Variants in PRKAB2 observed in about 807,000 individuals in gnomAD.
PRKAB2 encodes the protein protein kinase AMP-activated non-catalytic subunit beta 2.
PRKAB2 carries 18 observed loss-of-function variants against 29.8 expected under a neutral mutation model. The observed-to-expected ratio is 0.60, with a 90% CI of 0.42 to 0.89. PRKAB2 has a LOEUF of 0.89. Ranked by LOEUF, PRKAB2 falls within the 40% of genes least tolerant of loss-of-function variation. The pLI is 0.00. For synonymous variants in PRKAB2, 136 were observed against 125.9 expected (o/e 1.08, Z -0.54); for missense variants, 270 against 344.3 (o/e 0.78, Z 1.71).
Position 147,158,023 on chromosome 1 carries a change from C to T in PRKAB2, c.*1542G>A, listed in dbSNP as rs1653759509. 1 of 152,144 alleles carries T rather than the reference C, an allele frequency of 6.6e-6. No homozygotes were observed. Among genetic ancestry groups the T allele is most frequent in the Admixed American group, 6.5e-5 (1 of 15,274 alleles). The allele number at this position is 152,144 out of a possible 1,614,324, so 9.4% of individuals were successfully genotyped here. A position where few individuals can be genotyped will look rare whatever the true frequency, so the allele number is the denominator to read the frequency against. ...CTAAACTGACCTGTAGGTGCCCTTT[C>T]AGTGTGGCTAGGGTCATCTGAGCAG... On this transcript the variant is annotated 3_prime_UTR_variant, in exon 8 of 8. Transcript: ENST00000254101.
intron 4 of PRKAB2, 72 bp from the exon 5 acceptor site, chr1:147,166,690 T>C: frequency 3.2e-6 from 5 of 1,584,550 alleles, no homozygotes; most frequent in Non-Finnish European, 4.3e-6. Flanking sequence ...CCTTCCTCTT[T>C]TACTAAAATT....
chr1:147,172,159 G>C lies in PRKAB2; in HGVS notation c.-15C>G. 2 of 1,540,518 alleles carry C rather than the reference G, an allele frequency of 1.3e-6. No homozygotes were observed. The highest frequency in any genetic ancestry group is 1.7e-6 in the Non-Finnish European group (2 of 1,142,892). ...GTGTTTCCCATGGCTGCAGCTCGTC[G>C]GGGACCACCTACCGCGGGGAACGAC... is the stretch of plus-strand genomic sequence containing the variant. On this transcript the variant is annotated 5_prime_UTR_variant, in exon 2 of 8. Coordinates refer to ENST00000254101, the MANE Select transcript of PRKAB2 (RefSeq NM_005399.5).
intron 6 of PRKAB2, 97 bp from the exon 7 acceptor site, chr1:147,161,877 A>T: frequency 1.1e-6 from 1 of 945,316 alleles, no homozygotes; most frequent in Non-Finnish European, 1.6e-6. Context: ...CTCTTTGAGA[A>T]ATTTAAACTA....
chr1:147,166,511 C>G lies in PRKAB2; in HGVS notation c.525G>C (p.Glu175Asp). The part of the protein sequence containing the change: ...ALKLDSMESS[E>D]TSCRDLSSSP... The stretch of plus-strand genomic sequence containing the variant: ...ATACAAAATTACCTCTACAAGATGT[C>G]TCAGAACTTTCCATAGAATCTAACT... Residue 175 changes from glutamate to aspartate, a missense_variant, in exon 5 of 8, where the codon GAG becomes GAC. Physicochemically the swap from Glu to Asp is conservative, Grantham distance 45 (BLOSUM62 2). This residue lies in a region of PRKAB2 where 228 missense variants were observed against 255.5 expected (regional missense o/e 0.89). Transcript: ENST00000254101. 2 of 1,613,752 alleles carry G rather than the reference C, an allele frequency of 1.2e-6. No individual in the cohort carries two copies. Among genetic ancestry groups the G allele is most frequent in the Admixed American group, 3.3e-5 (2 of 59,956 alleles).
At chr1:147,166,091 C>T (rs1654234836) in intron 5 of PRKAB2, among the ~76,000 whole-genome samples, 1 of 152,130 alleles carries the variant, frequency 6.6e-6, no homozygotes, top group Non-Finnish European at 1.5e-5. Context: ...AGGTCTCAAA[C>T]TGGCAGGATT....
Position 147,172,467 on chromosome 1 carries a change from T to A in PRKAB2, c.-62A>T. 1 of 422,856 alleles carries A rather than the reference T, an allele frequency of 2.4e-6. No individual in the cohort carries two copies. Among genetic ancestry groups the A allele is most frequent in the Non-Finnish European group, 4.2e-6 (1 of 236,654 alleles). 26.2% of individuals were successfully genotyped at this position (422,856 alleles called of 1,614,324 possible). A position where few individuals can be genotyped will look rare whatever the true frequency, so the allele number is the denominator to read the frequency against. On this transcript the variant is annotated 5_prime_UTR_variant, in exon 1 of 8. Transcript: ENST00000254101. ...CTCCCTCCTCCAAGGGCCACTGATG[T>A]GATGGCTGTTCTGCAGATCAGGCCA...
chr1:147,158,359 G>A lies in PRKAB2; in HGVS notation c.*1206C>T, dbSNP rs1167479251. On this transcript the variant is annotated 3_prime_UTR_variant, in exon 8 of 8. Coordinates refer to ENST00000254101, the MANE Select transcript of PRKAB2 (RefSeq NM_005399.5). ...TGGCCTAACAAATCTTTAAAATGAG[G>A]AACCCCTTTAGGTGCATCAAATGAG... The A allele has an allele frequency of 6.6e-6, 1 of 152,084 alleles. No individual in the cohort carries two copies. Among genetic ancestry groups the A allele is most frequent in the Admixed American group, 6.6e-5 (1 of 15,258 alleles). 9.4% of individuals were successfully genotyped at this position (152,084 alleles called of 1,614,324 possible).
intron 7 of PRKAB2, 65 bp downstream of exon 7, chr1:147,161,647 G>T: frequency 7.4e-7 from 1 of 1,354,278 alleles, no homozygotes; most frequent in Non-Finnish European, 1.0e-6. Flanking sequence ...TAACCACTGA[G>T]AACGTATGTT....
chr1:147,168,064 A>C, intron 2 of PRKAB2, 131 bp from the exon 3 acceptor site: 1 of 976,648 alleles, frequency 1.0e-6, no homozygotes, highest in Non-Finnish European at 1.5e-6. Context: ...TTAGCAACTA[A>C]ATCAGAGTTT....
intron 5 of PRKAB2, among the ~76,000 whole-genome samples, chr1:147,164,985 T>G (rs1654164023): frequency 6.6e-6 from 1 of 152,230 alleles, no homozygotes; most frequent in Non-Finnish European, 1.5e-5. Flanking sequence ...TTTAACCTTC[T>G]GAGCTTATAT....
Position 147,168,143 on chromosome 1 carries a change from C to G in PRKAB2, c.157-210G>C, listed in dbSNP as rs114550377. 5.8e-3 allele frequency among the ~76,000 whole-genome samples: 876 copies of G among 152,232 alleles called. 4 individuals are homozygous for G. Among genetic ancestry groups the G allele is most frequent in the Middle Eastern group, 0.01 (3 of 294 alleles). ...CAAATGGCCTATGCTCAAGCACTGC[C>G]TAAATCATAGCCTAACTTTTGAGTC... On this transcript the variant is annotated intron_variant, in intron 2 of 7. Transcript: ENST00000254101.
intron 2 of PRKAB2, among the ~76,000 whole-genome samples, chr1:147,169,842 C>CA (rs1654430594): frequency 6.6e-6 from 1 of 152,144 alleles, no homozygotes; most frequent in Non-Finnish European, 1.5e-5. Context: ...TTCTAATGTG[C>CA]AAACAGGATT....
chr1:147,171,368 C>A (rs1445994164), intron 2 of PRKAB2, among the ~76,000 whole-genome samples: 1 of 152,144 alleles, frequency 6.6e-6, no homozygotes, highest in Non-Finnish European at 1.5e-5. Flanking sequence ...CAGCCTCAGC[C>A]ACCACAACTA....
chr1:147,167,885 A>T lies in PRKAB2; in HGVS notation c.205T>A (p.Ser69Thr), dbSNP rs1654330061. 6.2e-7 allele frequency: 1 copy of T among 1,613,958 alleles called. No individual in the cohort carries two copies. The highest frequency in any genetic ancestry group is 1.7e-5 in the Admixed American group (1 of 60,000). ...CGGGCCTGCTGTGTGGGCTTTACGG[A>T]GTCCTCCAAATCCTGCTGCCATGAT... Reference protein sequence around the residue: ...FVSWQQDLEDSVKPTQQARPT... With the variant: ...FVSWQQDLEDTVKPTQQARPT... The change falls in exon 3 of 8, where the codon TCC becomes ACC. Residue 69 changes from serine to threonine, a missense_variant. Physicochemically the swap from Ser to Thr is moderately conservative, Grantham distance 58. Coordinates refer to ENST00000254101, the MANE Select transcript of PRKAB2 (RefSeq NM_005399.5).
Position 147,166,627 on chromosome 1 carries a change from G to C in PRKAB2, c.418-9C>G. 1 of 1,607,998 alleles carries C rather than the reference G, an allele frequency of 6.2e-7. No homozygotes were observed. The highest frequency in any genetic ancestry group is 8.5e-7 in the Non-Finnish European group (1 of 1,178,156). Reference sequence around the variant, plus strand: ...TGACTGGTAACCACAGGCTGAAACAGTGAATAGAAAAAATTATTGAATCTC... The same window carrying C: ...TGACTGGTAACCACAGGCTGAAACACTGAATAGAAAAAATTATTGAATCTC... On this transcript the variant is annotated splice_polypyrimidine_tract_variant and intron_variant, in intron 4 of 7. Transcript: ENST00000254101.
chr1:147,164,636 T>C (rs1324645415), intron 5 of PRKAB2, among the ~76,000 whole-genome samples: 2 of 152,204 alleles, frequency 1.3e-5, no homozygotes. Context: ...TAGTTTTTAT[T>C]GCCTTTTCAC....
At chr1:147,172,352 C>A in intron 1 of PRKAB2, 77 bp downstream of exon 1, 1 of 677,600 alleles carries the variant, frequency 1.5e-6, no homozygotes, top group African/African-American at 1.9e-5. Context: ...CTCACTGGCC[C>A]TAGCTCAGGA....
At position 147,156,888 on chromosome 1, in the gene PRKAB2, T is replaced by C. The variant is rs1230697562; in HGVS notation, c.*2677A>G. On this transcript the variant is annotated 3_prime_UTR_variant, in exon 8 of 8. Coordinates refer to ENST00000254101, the MANE Select transcript of PRKAB2 (RefSeq NM_005399.5). ...TGATTTAATTTCTTTTTAAAAGAGATCATTTTCAGTTGTAAGTTACTCAAC... is the reference window on the plus strand; with the variant it reads ...TGATTTAATTTCTTTTTAAAAGAGACCATTTTCAGTTGTAAGTTACTCAAC... 1 of 152,096 alleles carries C rather than the reference T, an allele frequency of 6.6e-6. No individual in the cohort carries two copies. Among genetic ancestry groups the C allele is most frequent in the East Asian group, 1.9e-4 (1 of 5,172 alleles). 9.4% of individuals were successfully genotyped at this position (152,096 alleles called of 1,614,324 possible). A position where few individuals can be genotyped will look rare whatever the true frequency, so the allele number is the denominator to read the frequency against.
At chr1:147,159,745 G>T in intron 7 of PRKAB2, 103 bp from the exon 8 acceptor site, 1 of 1,012,158 alleles carries the variant, frequency 9.9e-7, no homozygotes, top group Non-Finnish European at 1.5e-6. Flanking sequence ...AACAGAGATA[G>T]TTTGATATAA....
Sources: allele counts gnomAD v4.1 joint callset (sites outside exome capture counted in the v4.1 genomes callset), GRCh38; gene constraint gnomAD v4.1.1; regional missense constraint gnomAD v4.1.1; transcripts MANE v1.5; gene names NCBI Gene and HGNC (gene_info 2026-07-23, HGNC 2026-07-21).